OTUD7A: variants seen among roughly 807,000 people sequenced by gnomAD.
OTUD7A encodes OTU domain-containing protein 7A.
Under a neutral mutation model 65.7 loss-of-function variants are expected in OTUD7A, and 12 were observed. That is an observed-to-expected ratio of 0.18 (90% CI 0.12 to 0.30). OTUD7A has a LOEUF of 0.30. Ranked by LOEUF, OTUD7A falls within the 10% of genes least tolerant of loss-of-function variation. The probability of loss-of-function intolerance (pLI) is 1.00; values close to 1 mark genes in which losing one functional copy is unlikely to be tolerated. For synonymous variants in OTUD7A, 641 were observed against 586.3 expected, an observed-to-expected ratio of 1.09 and a Z score of -1.35; for missense variants, 1,148 against 1,304.8, an observed-to-expected ratio of 0.88 and a Z score of 1.85.
intron 3 of OTUD7A, among the ~76,000 whole-genome samples, chr15:31,646,636 T>C (rs1483842246): frequency 1.2e-4 from 19 of 152,002 alleles, no homozygotes; most frequent in Non-Finnish European, 2.2e-4. Flanking sequence ...AATTTTTGTA[T>C]TTTTAGTAGA....
intron 1 of OTUD7A, among the ~76,000 whole-genome samples, chr15:31,838,126 A>G (rs1897099394): frequency 2.0e-5 from 3 of 152,222 alleles, no homozygotes; most frequent in Non-Finnish European, 2.9e-5. Context: ...ATAATCAAAA[A>G]TGGATCACAG....
At chr15:31,611,557 G>C (rs1367982325) in intron 3 of OTUD7A, among the ~76,000 whole-genome samples, 5 of 152,170 alleles carry the variant, frequency 3.3e-5, no homozygotes, top group Middle Eastern at 3.4e-3. Context: ...AGAAAACATA[G>C]AAGAGATGGA....
intron 5 of OTUD7A, among the ~76,000 whole-genome samples, chr15:31,555,003 G>C (rs1282755361): frequency 6.6e-6 from 1 of 152,186 alleles, no homozygotes; most frequent in South Asian, 2.1e-4. Flanking sequence ...CAGTCTCCCA[G>C]ATCTGTGGGT....
At chr15:31,776,693 T>C (rs1441512318) in intron 1 of OTUD7A, among the ~76,000 whole-genome samples, 1 of 152,170 alleles carries the variant, frequency 6.6e-6, no homozygotes, top group African/African-American at 2.4e-5. Context: ...GTCAACAGCT[T>C]TGCAGTGTAC....
At chr15:31,746,402 A>T (rs1894478045) in intron 1 of OTUD7A, among the ~76,000 whole-genome samples, 4 of 152,154 alleles carry the variant, frequency 2.6e-5, no homozygotes. Context: ...AATACTTACT[A>T]TTCAATGATA....
At chr15:31,809,396 G>A (rs375669762) in intron 1 of OTUD7A, among the ~76,000 whole-genome samples, 3 of 152,140 alleles carry the variant, frequency 2.0e-5, no homozygotes, top group Non-Finnish European at 2.9e-5. Flanking sequence ...TGCGTCTAGC[G>A]TTGGGCAATG....
At chr15:31,536,821 A>G (rs1887817047) in intron 5 of OTUD7A, among the ~76,000 whole-genome samples, 1 of 152,228 alleles carries the variant, frequency 6.6e-6, no homozygotes, top group Admixed American at 6.5e-5. Flanking sequence ...GCAAAGACAG[A>G]TACCAGAGAC....
chr15:31,850,554 TATAATA>T (rs71113425), intron 1 of OTUD7A, among the ~76,000 whole-genome samples: 5 of 150,258 alleles, frequency 3.3e-5, no homozygotes, highest in East Asian at 1.9e-4. Context: ...AAACTTAAAG[TATAATA>T]ATAATAATAA....
At chr15:31,499,928 T>A (rs1017749819) in intron 10 of OTUD7A, among the ~76,000 whole-genome samples, 17 of 152,236 alleles carry the variant, frequency 1.1e-4, no homozygotes, top group African/African-American at 3.9e-4. Context: ...TCCATGGGCA[T>A]CCTTTGAAGG....
intron 3 of OTUD7A, among the ~76,000 whole-genome samples, chr15:31,570,912 G>A (rs768262360): frequency 2.0e-5 from 3 of 152,182 alleles, no homozygotes; most frequent in Non-Finnish European, 4.4e-5. Context: ...GGCTTGTAAC[G>A]GCAGGAAGGA....
intron 3 of OTUD7A, among the ~76,000 whole-genome samples, chr15:31,570,911 C>G (rs946542120): frequency 6.6e-6 from 1 of 152,176 alleles, no homozygotes; most frequent in Non-Finnish European, 1.5e-5. Flanking sequence ...GGGCTTGTAA[C>G]GGCAGGAAGG....
intron 4 of OTUD7A, among the ~76,000 whole-genome samples, chr15:31,561,770 A>T (rs112541611): frequency 2.8e-5 from 4 of 144,688 alleles, no homozygotes; most frequent in African/African-American, 8.2e-5. Flanking sequence ...CATCTCTCTC[A>T]CACACACACA....
At position 31,479,476 on chromosome 15, in the gene OTUD7A, TTC is replaced by T. The variant is rs1364864549; in HGVS notation, c.*3816_*3817del. ...GCCTTCAGCTTTTACTCCAGGTCTC[TTC>T]GTAAATAAAAGACTCACATGGAATG... On this transcript the variant is annotated 3_prime_UTR_variant, in exon 13 of 13. Transcript: ENST00000307050. 1.3e-5 allele frequency: 2 copies of T among 152,234 alleles called. No homozygotes were observed. Among genetic ancestry groups the T allele is most frequent in the African/African-American group, 4.8e-5 (2 of 41,460 alleles). 9.4% of individuals were successfully genotyped at this position (152,234 alleles called of 1,614,324 possible).
chr15:31,758,644 A>T (rs1338715754), intron 1 of OTUD7A, among the ~76,000 whole-genome samples: 1 of 152,246 alleles, frequency 6.6e-6, no homozygotes, highest in Non-Finnish European at 1.5e-5. Context: ...AATATATAGC[A>T]ATCAACAATT....
chr15:31,820,430 G>A (rs374527575), intron 1 of OTUD7A, among the ~76,000 whole-genome samples: 3 of 152,016 alleles, frequency 2.0e-5, no homozygotes, highest in Non-Finnish European at 4.4e-5. Context: ...TATTTTCTAC[G>A]AGATATCGCA....
intron 3 of OTUD7A, among the ~76,000 whole-genome samples, chr15:31,630,997 G>C (rs1251184704): frequency 1.1e-4 from 16 of 152,242 alleles, no homozygotes; most frequent in Non-Finnish European, 2.2e-4. Flanking sequence ...ACATGAGATG[G>C]GTTTCCTGAA....
chr15:31,657,854 C>A (rs1892038670), intron 1 of OTUD7A, among the ~76,000 whole-genome samples: 1 of 152,178 alleles, frequency 6.6e-6, no homozygotes, highest in African/African-American at 2.4e-5. Context: ...TGGTCTAAAG[C>A]ACTCACTCAG....
At chr15:31,610,617 A>ATATATATATTTT in intron 3 of OTUD7A, among the ~76,000 whole-genome samples, 2 of 30,558 alleles carry the variant, frequency 6.5e-5, no homozygotes, top group African/African-American at 3.4e-4. Flanking sequence ...ATATATATAT[A>ATATATATATTTT]TTTTTTTTTT....
Position 31,483,866 on chromosome 15 carries a change from C to G in OTUD7A, c.2230G>C (p.Ala744Pro). Residue 744 changes from alanine (A) to proline (P), a missense_variant, in exon 13 of 13, where the codon GCG becomes CCG. Physicochemically the swap from Ala to Pro is conservative, Grantham distance 27. Transcript: ENST00000307050. ...PGPAAGRAAR[A>P]AAGGTASPGG... ...GGGGAGGCCGTGCCGCCCGCCGCCG[C>G]CCGCGCCGCACGCCCTGCCGCGGGC... is the stretch of plus-strand genomic sequence containing the variant. 1.0e-6 allele frequency: 1 copy of G among 986,970 alleles called. No individual in the cohort carries two copies. Among genetic ancestry groups the G allele is most frequent in the Non-Finnish European group, 1.2e-6 (1 of 832,784 alleles). 61.1% of individuals were successfully genotyped at this position (986,970 alleles called of 1,614,324 possible). A position where few individuals can be genotyped will look rare whatever the true frequency, so the allele number is the denominator to read the frequency against.
Sources: allele counts gnomAD v4.1 joint callset (sites outside exome capture counted in the v4.1 genomes callset), GRCh38; gene constraint gnomAD v4.1.1; transcripts MANE v1.5; gene names NCBI Gene and HGNC (gene_info 2026-07-23, HGNC 2026-07-21).